NXPE4: variants seen among roughly 807,000 people sequenced by gnomAD.
NXPE4 encodes neurexophilin and PC-esterase domain family member 4.
A neutral mutation model predicts 33.3 loss-of-function variants in NXPE4; 42 were observed. The ratio of observed to expected loss-of-function variants is 1.26; its 90% CI spans 0.98 to 1.63. The LOEUF (loss-of-function observed/expected upper bound fraction) is 1.63, where lower values mean the gene tolerates loss of function less well. NXPE4 is among the 40% of genes most tolerant of loss of function. NXPE4 has a pLI of 0.00. For missense variants in NXPE4, 709 were observed against 647.6 expected (o/e 1.09, Z -1.03); for synonymous variants, 253 against 234.9 (o/e 1.08, Z -0.71).
At chr11:114,610,935 G>T in the NXPE4 span, among the ~76,000 whole-genome samples, 1 of 151,578 alleles carries the variant, frequency 6.6e-6, no homozygotes, top group East Asian at 2.0e-4. Flanking sequence ...TGCCTCGTGG[G>T]TAACCACTGT....
At chr11:114,628,074 G>T in the NXPE4 span, among the ~76,000 whole-genome samples, 1 of 149,376 alleles carries the variant, frequency 6.7e-6, no homozygotes, top group South Asian at 2.2e-4. Context: ...AATAATGGGA[G>T]ACTTTAACAC....
chr11:114,595,882 C>A (rs113909755), upstream of NXPE4: 4 of 152,344 alleles, frequency 2.6e-5, no homozygotes, highest in African/African-American at 9.6e-5. Flanking sequence ...AAGTGCTCTG[C>A]ATAGTAGGTT....
chr11:114,633,064 TTTG>T, the NXPE4 span, among the ~76,000 whole-genome samples: 2 of 117,160 alleles, frequency 1.7e-5, no homozygotes, highest in Non-Finnish European at 3.2e-5. Context: ...TATTTTATAT[TTTG>T]TTTTTTATAA....
intron 2 of NXPE4, among the ~76,000 whole-genome samples, chr11:114,589,427 G>T (rs1949389207): frequency 6.6e-6 from 1 of 152,094 alleles, no homozygotes; most frequent in African/African-American, 2.4e-5. Context: ...ATAGCATGAG[G>T]GGTGTGGGGT....
chr11:114,678,035 A>G, the NXPE4 span, among the ~76,000 whole-genome samples: 2 of 152,112 alleles, frequency 1.3e-5, no homozygotes, highest in African/African-American at 2.4e-5. Context: ...AATTTAAATC[A>G]TCGCTGTGGG....
the NXPE4 span, among the ~76,000 whole-genome samples, chr11:114,641,053 AAAG>A: frequency 0.019 from 2,853 of 152,144 alleles, 89 homozygotes; most frequent in African/African-American, 0.065. Flanking sequence ...AAGACATCAG[AAAG>A]AAGAACCAGT....
intron 2 of NXPE4, among the ~76,000 whole-genome samples, chr11:114,594,280 TATC>T (rs1464834498): frequency 6.6e-6 from 1 of 152,182 alleles, no homozygotes; most frequent in Non-Finnish European, 1.5e-5. Context: ...TGTATCAAAA[TATC>T]TCATCTACCC....
chr11:114,625,364 C>T, the NXPE4 span, among the ~76,000 whole-genome samples: 5 of 152,106 alleles, frequency 3.3e-5, no homozygotes, highest in African/African-American at 9.7e-5. Context: ...TAAGTATTGC[C>T]TCTTGGGTAA....
At chr11:114,664,329 T>G in the NXPE4 span, among the ~76,000 whole-genome samples, 1 of 152,016 alleles carries the variant, frequency 6.6e-6, no homozygotes, top group East Asian at 1.9e-4. Context: ...CTTGTAAAGG[T>G]CTGGGATTAG....
chr11:114,610,614 C>T, the NXPE4 span, among the ~76,000 whole-genome samples: 9 of 151,418 alleles, frequency 5.9e-5, no homozygotes, highest in East Asian at 2.0e-4. Context: ...CACTGTTACC[C>T]GGTGGATAAT....
chr11:114,585,510 C>A (rs1043954361), intron 2 of NXPE4, among the ~76,000 whole-genome samples: 1 of 151,444 alleles, frequency 6.6e-6, no homozygotes, highest in African/African-American at 2.4e-5. Context: ...GGATTTAAGT[C>A]AAAAACTGTA....
At chr11:114,627,283 C>T in the NXPE4 span, among the ~76,000 whole-genome samples, 3 of 152,014 alleles carry the variant, frequency 2.0e-5, no homozygotes, top group East Asian at 5.8e-4. Context: ...GGTCGGGTTA[C>T]CCTCAAAGGG....
chr11:114,668,026 C>G, the NXPE4 span, among the ~76,000 whole-genome samples: 1 of 151,826 alleles, frequency 6.6e-6, no homozygotes, highest in South Asian at 2.1e-4. Context: ...TGAGGTTCTA[C>G]AGGTACACAC....
the NXPE4 span, among the ~76,000 whole-genome samples, chr11:114,632,185 T>C: frequency 0.02 from 2,825 of 142,094 alleles, 92 homozygotes; most frequent in African/African-American, 0.067. Context: ...ATATAATAAA[T>C]AAATGATCAT....
the NXPE4 span, among the ~76,000 whole-genome samples, chr11:114,628,433 C>T: frequency 1.1e-4 from 16 of 152,144 alleles, no homozygotes; most frequent in South Asian, 2.1e-4. Context: ...GGGTACATAA[C>T]GAAATGAAAG....
chr11:114,623,284 G>C, the NXPE4 span, among the ~76,000 whole-genome samples: 34 of 152,108 alleles, frequency 2.2e-4, no homozygotes, highest in African/African-American at 7.7e-4. Context: ...GGTGACAACT[G>C]TTACCCAGTG....
chr11:114,634,922 GC>G, the NXPE4 span, among the ~76,000 whole-genome samples: 1 of 151,860 alleles, frequency 6.6e-6, no homozygotes, highest in Non-Finnish European at 1.5e-5. Context: ...TGTTCTTTTG[GC>G]TTAGGATGAA....
the NXPE4 span, among the ~76,000 whole-genome samples, chr11:114,678,139 C>A: frequency 6.6e-6 from 1 of 152,190 alleles, no homozygotes; most frequent in Middle Eastern, 3.4e-3. Flanking sequence ...AATTCTCAGG[C>A]CTTCAGGAAC....
chr11:114,624,567 C>T, the NXPE4 span, among the ~76,000 whole-genome samples: 2 of 146,966 alleles, frequency 1.4e-5, no homozygotes, highest in African/African-American at 5.0e-5. Flanking sequence ...AAGTATTGCC[C>T]CGTGGGTAAC....
Sources: allele counts gnomAD v4.1 joint callset (sites outside exome capture counted in the v4.1 genomes callset), GRCh38; gene constraint gnomAD v4.1.1; transcripts MANE v1.5; gene names NCBI Gene and HGNC (gene_info 2026-07-23, HGNC 2026-07-21).